The following PDIA3 variants were observed in gnomAD, a reference collection of about 807,000 sequenced individuals.
The protein encoded by PDIA3 is protein disulfide-isomerase A3.
In PDIA3, 16 loss-of-function variants were observed where a neutral mutation model predicts 56.9. The observed-to-expected ratio is 0.28, with a 90% CI of 0.19 to 0.43. The LOEUF (loss-of-function observed/expected upper bound fraction) is 0.43, where lower values mean the gene tolerates loss of function less well. Ranked by LOEUF, PDIA3 falls within the 20% of genes least tolerant of loss-of-function variation. The pLI, the probability that PDIA3 is intolerant of heterozygous loss-of-function variation, is 1.00. For synonymous variants in PDIA3, 192 were observed against 216.5 expected (o/e 0.89, Z 0.99); for missense variants, 485 against 621.3 (o/e 0.78, Z 2.33).
intron 3 of PDIA3, among the ~76,000 whole-genome samples, chr15:43,759,325 A>C (rs972312205): frequency 2.0e-5 from 3 of 152,180 alleles, no homozygotes; most frequent in African/African-American, 7.2e-5. Flanking sequence ...ATTACCATAT[A>C]TATGATCCAG....
intron 3 of PDIA3, among the ~76,000 whole-genome samples, chr15:43,760,530 C>CTT (rs199578385): frequency 1.6e-4 from 19 of 116,762 alleles, no homozygotes; most frequent in African/African-American, 3.3e-4. Flanking sequence ...AAAAAAAAAA[C>CTT]TTTTTTTTTT....
In PDIA3 at chr15:43,754,265, G is replaced by A. The variant is rs138728944; in HGVS notation, c.246+363G>A. 2.9e-3 allele frequency among the ~76,000 whole-genome samples: 448 copies of A among 151,898 alleles called. 2 individuals are homozygous for A. The highest frequency in any genetic ancestry group is 0.01 in the Middle Eastern group (3 of 294). ...AAAAATTAGCTGGGTGTGATGGCAC[G>A]TGCCTGTAGTCCCAGCTACTCAGGA... is the stretch of plus-strand genomic sequence containing the variant. On this transcript the variant is annotated intron_variant, in intron 2 of 12. Coordinates refer to ENST00000300289, the MANE Select transcript of PDIA3 (RefSeq NM_005313.5).
chr15:43,770,477 T>C, intron 11 of PDIA3, 46 bp from the exon 12 acceptor site: 1 of 1,447,652 alleles, frequency 6.9e-7, no homozygotes, highest in Non-Finnish European at 9.7e-7. Flanking sequence ...TTCTGCAGTA[T>C]GGGCCCACAT....
intron 1 of PDIA3, among the ~76,000 whole-genome samples, chr15:43,750,074 G>C (rs903837958): frequency 7.6e-5 from 11 of 145,602 alleles, no homozygotes; most frequent in Admixed American, 7.5e-4. Flanking sequence ...TGCTTTGCTT[G>C]CTTTTTTTTT....
intron 7 of PDIA3, 80 bp downstream of exon 7, chr15:43,766,092 C>G: frequency 8.9e-7 from 1 of 1,129,222 alleles, no homozygotes; most frequent in Non-Finnish European, 1.2e-6. Flanking sequence ...TTGTTGGTTC[C>G]TTAAGAATCT....
chr15:43,765,823 T>G, intron 6 of PDIA3, 64 bp from the exon 7 acceptor site: 2 of 1,533,240 alleles, frequency 1.3e-6, no homozygotes, highest in South Asian at 2.4e-5. Flanking sequence ...AATTATTTTG[T>G]GGCAACTTTA....
intron 5 of PDIA3, among the ~76,000 whole-genome samples, 192 bp from the exon 6 acceptor site, chr15:43,765,258 G>A (rs1185950685): frequency 6.6e-6 from 1 of 152,066 alleles, no homozygotes; most frequent in Non-Finnish European, 1.5e-5. Context: ...GTGCACACCT[G>A]TGTTCTCAGC....
At chr15:43,755,562 T>C (rs952099137) in intron 2 of PDIA3, among the ~76,000 whole-genome samples, 1 of 152,186 alleles carries the variant, frequency 6.6e-6, no homozygotes, top group African/African-American at 2.4e-5. Context: ...ATAGTTCATA[T>C]ATAAGGCTAT....
At chr15:43,750,097 C>A (rs1162212659) in intron 1 of PDIA3, among the ~76,000 whole-genome samples, 1 of 96,562 alleles carries the variant, frequency 1.0e-5, no homozygotes, top group Non-Finnish European at 2.2e-5. Context: ...TTGAGACAGT[C>A]TCTCTCTGTT....
chr15:43,766,576 G>A (rs914520757), intron 7 of PDIA3, 152 bp from the exon 8 acceptor site: 49 of 637,126 alleles, frequency 7.7e-5, no homozygotes, highest in Non-Finnish European at 3.3e-5. Context: ...ATAACCCTGT[G>A]TCAGTGCCCA....
At chr15:43,768,715 A>C (rs1318054436) in intron 9 of PDIA3, 118 bp downstream of exon 9, 3 of 665,492 alleles carry the variant, frequency 4.5e-6, no homozygotes, top group Admixed American at 2.6e-5. Flanking sequence ...TTTTGTCCTT[A>C]CTCCCGAGTC....
intron 3 of PDIA3, 97 bp downstream of exon 3, chr15:43,756,863 A>G (rs2086781538): frequency 1.5e-6 from 1 of 678,780 alleles, no homozygotes; most frequent in Non-Finnish European, 2.5e-6. Context: ...GTATACTTTC[A>G]GTCTTAAAAC....
rs773301948 is a variant in PDIA3, at chr15:43,771,140, A to G, written c.1440A>G (p.Leu480=). Residue 480 remains leucine, a synonymous_variant, in exon 13 of 13, where the codon CTA becomes CTG. Transcript: ENST00000300289. ...GRELSDFISY[L]QREATNPPVI... ...AATTAAGTGATTTTATTAGCTATCTACAAAGAGAAGCTACAAACCCCCCTG... is the reference window on the plus strand; with the variant it reads ...AATTAAGTGATTTTATTAGCTATCTGCAAAGAGAAGCTACAAACCCCCCTG... 5.6e-6 allele frequency: 9 copies of G among 1,613,152 alleles called. No individual in the cohort carries two copies. The South Asian group carries it at 7.7e-5, about 14-fold the overall frequency.
At position 43,765,879 on chromosome 15, in the gene PDIA3, C is replaced by T. The variant is rs1244394341; in HGVS notation, c.720-8C>T. 6.2e-7 allele frequency: 1 copy of T among 1,603,374 alleles called. No individual in the cohort carries two copies. The highest frequency in any genetic ancestry group is 1.3e-5 in the African/African-American group (1 of 74,336). Reference sequence around the variant, plus strand: ...CAAGCCAGTTGATAATGGATTATTTCATTTCAGTTTTGGTATCTGCCCTCA... The same window carrying T: ...CAAGCCAGTTGATAATGGATTATTTTATTTCAGTTTTGGTATCTGCCCTCA... On this transcript the variant is annotated splice_region_variant and splice_polypyrimidine_tract_variant and intron_variant, in intron 6 of 12. Coordinates refer to ENST00000300289, the MANE Select transcript of PDIA3 (RefSeq NM_005313.5).
chr15:43,761,373 C>G, intron 3 of PDIA3, 51 bp from the exon 4 acceptor site: 1 of 1,026,994 alleles, frequency 9.7e-7, no homozygotes, highest in Non-Finnish European at 1.5e-6. Context: ...ATTGCCTTCT[C>G]AAAAATTATA....
At position 43,765,859 on chromosome 15, in the gene PDIA3, C is replaced by T. The variant is rs544888672; in HGVS notation, c.720-28C>T. 7 of 1,591,282 alleles carry T rather than the reference C, an allele frequency of 4.4e-6. No individual in the cohort carries two copies. The South Asian group carries it at 8.1e-5, about 18-fold the overall frequency. The stretch of plus-strand genomic sequence containing the variant: ...TGATATAGCTAAAAACTTGGCAAGC[C>T]AGTTGATAATGGATTATTTCATTTC... On this transcript the variant is annotated intron_variant, in intron 6 of 12. Coordinates refer to ENST00000300289, the MANE Select transcript of PDIA3 (RefSeq NM_005313.5).
chr15:43,769,036 A>C (rs1043461132), intron 9 of PDIA3, among the ~76,000 whole-genome samples: 1 of 152,068 alleles, frequency 6.6e-6, no homozygotes, highest in Non-Finnish European at 1.5e-5. Flanking sequence ...AAAAAAAAAA[A>C]AGCATTGGCA....
Position 43,770,523 on chromosome 15 carries a change from T to C in PDIA3, c.1347T>C (p.Gly449=). Residue 449 remains glycine, a splice_region_variant and synonymous_variant, in exon 12 of 13, where the codon GGT becomes GGC. Transcript: ENST00000300289. ...NDVPSPYEVR[G]FPTIYFSPAN... ...AATTAATAAATGTTTCTTTCCCCAG[T>C]TTTCCTACCATATACTTCTCTCCAG... 6.2e-7 allele frequency: 1 copy of C among 1,610,050 alleles called. No individual in the cohort carries two copies. Among genetic ancestry groups the C allele is most frequent in the Non-Finnish European group, 8.5e-7 (1 of 1,176,272 alleles).
intron 3 of PDIA3, among the ~76,000 whole-genome samples, chr15:43,760,826 C>T (rs1306027377): frequency 2.7e-5 from 4 of 150,642 alleles, no homozygotes; most frequent in Non-Finnish European, 5.9e-5. Context: ...CCACAGCACC[C>T]GGCCAAAAAA....
Sources: allele counts gnomAD v4.1 joint callset (sites outside exome capture counted in the v4.1 genomes callset), GRCh38; gene constraint gnomAD v4.1.1; transcripts MANE v1.5; gene names NCBI Gene and HGNC (gene_info 2026-07-23, HGNC 2026-07-21).